The following DNM3 variants were observed in gnomAD, a reference collection of about 807,000 sequenced individuals.
The protein encoded by DNM3 is dynamin-3.
A neutral mutation model predicts 101.6 loss-of-function variants in DNM3; 47 were observed. The ratio of observed to expected loss-of-function variants is 0.46; its 90% confidence interval spans 0.37 to 0.59. The LOEUF (loss-of-function observed/expected upper bound fraction) is 0.59. Among genes scored for constraint, DNM3 ranks in the 20% least tolerant of loss-of-function variants. The probability of loss-of-function intolerance (pLI) is 0.00; values close to 1 mark genes in which losing one functional copy is unlikely to be tolerated. For synonymous variants in DNM3, 385 were observed against 387.9 expected (o/e 0.99, Z 0.09); for missense variants, 849 against 1,085.7 (o/e 0.78, Z 3.06).
chr1:172,047,750 T>C (rs527375118), intron 9 of DNM3, among the ~76,000 whole-genome samples: 18 of 152,212 alleles, frequency 1.2e-4, no homozygotes, highest in African/African-American at 4.1e-4. Flanking sequence ...TTGAAAAGAT[T>C]TTCCAAAAGA....
chr1:172,319,496 A>G (rs1177804064), intron 16 of DNM3, among the ~76,000 whole-genome samples: 5 of 152,252 alleles, frequency 3.3e-5, no homozygotes, highest in Admixed American at 3.3e-4. Context: ...ACAAAGGGCT[A>G]ATATCCAGAA....
intron 10 of DNM3, among the ~76,000 whole-genome samples, chr1:172,061,013 C>T (rs766283723): frequency 8.6e-6 from 1 of 116,260 alleles, no homozygotes; most frequent in Non-Finnish European, 1.7e-5. Flanking sequence ...AAAAAACAAA[C>T]AACCCCATCA....
intron 10 of DNM3, among the ~76,000 whole-genome samples, chr1:172,064,933 G>T (rs1321723340): frequency 5.3e-5 from 8 of 152,112 alleles, no homozygotes; most frequent in Non-Finnish European, 7.4e-5. Flanking sequence ...ACTTCCAGTT[G>T]TCTCAATTGT....
chr1:171,966,676 C>G (rs2043610470), intron 2 of DNM3, among the ~76,000 whole-genome samples: 1 of 152,106 alleles, frequency 6.6e-6, no homozygotes, highest in Admixed American at 6.6e-5. Context: ...GAAAAGCTAT[C>G]CATATTTACA....
At chr1:171,951,976 A>G (rs756683020) in intron 2 of DNM3, among the ~76,000 whole-genome samples, 1 of 152,332 alleles carries the variant, frequency 6.6e-6, no homozygotes. Flanking sequence ...GTTACAGGTC[A>G]TAGGTAGATT....
intron 14 of DNM3, among the ~76,000 whole-genome samples, chr1:172,242,843 A>C (rs1413312544): frequency 6.6e-6 from 1 of 152,134 alleles, no homozygotes; most frequent in Non-Finnish European, 1.5e-5. Flanking sequence ...CAAGGACAAG[A>C]AGCCAAATGA....
chr1:172,277,447 G>A lies in DNM3; in HGVS notation c.1769+23765G>A, dbSNP rs183373751. ...GAAAATGGTCCAAACTGTAGTCATA[G>A]ATTCTTGGAGTCTGATCAAAGGCAG... On this transcript the variant is annotated intron_variant, in intron 15 of 20. Coordinates refer to ENST00000627582, the MANE Select transcript of DNM3 (RefSeq NM_015569.5). 3.7e-3 allele frequency among the ~76,000 whole-genome samples: 559 copies of A among 152,124 alleles called. 5 individuals are homozygous for A. The highest frequency in any genetic ancestry group is 0.023 in the South Asian group (110 of 4,812).
At chr1:172,178,152 C>G (rs928962911) in intron 14 of DNM3, among the ~76,000 whole-genome samples, 1 of 151,784 alleles carries the variant, frequency 6.6e-6, no homozygotes, top group Non-Finnish European at 1.5e-5. Flanking sequence ...CATATCTAAA[C>G]AGAGGAAAAG....
At chr1:172,391,406 C>T (rs2069521977) in intron 20 of DNM3, among the ~76,000 whole-genome samples, 1 of 152,062 alleles carries the variant, frequency 6.6e-6, no homozygotes, top group Admixed American at 6.5e-5. Flanking sequence ...CTGTTAAATC[C>T]AGCTTTAGAT....
intron 2 of DNM3, among the ~76,000 whole-genome samples, chr1:171,965,327 G>C (rs1047584498): frequency 6.6e-6 from 1 of 151,618 alleles, no homozygotes; most frequent in African/African-American, 2.4e-5. Flanking sequence ...TGGATTGCTT[G>C]AGGCCAAGAG....
chr1:172,263,421 A>G (rs1041836741), intron 15 of DNM3, among the ~76,000 whole-genome samples: 3 of 152,204 alleles, frequency 2.0e-5, no homozygotes, highest in African/African-American at 7.2e-5. Context: ...GAAATGTATT[A>G]TCTATCCTGA....
At chr1:172,389,409 C>A (rs1024557335) in intron 20 of DNM3, among the ~76,000 whole-genome samples, 1 of 151,456 alleles carries the variant, frequency 6.6e-6, no homozygotes, top group Non-Finnish European at 1.5e-5. Context: ...CATTGTACAT[C>A]TGAATAATAC....
At chr1:172,231,228 C>T (rs368250478) in intron 14 of DNM3, among the ~76,000 whole-genome samples, 1 of 150,374 alleles carries the variant, frequency 6.7e-6, no homozygotes, top group Non-Finnish European at 1.5e-5. Flanking sequence ...GGCAGACTGA[C>T]ACCTCACACG....
intron 2 of DNM3, among the ~76,000 whole-genome samples, chr1:171,940,510 G>A (rs931543439): frequency 1.3e-5 from 2 of 152,062 alleles, no homozygotes; most frequent in African/African-American, 4.8e-5. Context: ...ACACTGGATG[G>A]GATTGTTTCC....
At chr1:172,415,122 G>A (rs758444699), downstream of DNM3, among the ~76,000 whole-genome samples, 30 of 152,158 alleles carry the variant, frequency 2.0e-4, no homozygotes, top group Non-Finnish European at 2.9e-4. Flanking sequence ...AGAGCAACAA[G>A]AGCTCTCAAC....
chr1:172,243,253 C>T (rs6664359), intron 14 of DNM3, among the ~76,000 whole-genome samples: 67 of 152,154 alleles, frequency 4.4e-4, no homozygotes, highest in African/African-American at 1.5e-3. Flanking sequence ...CCTTAATGTT[C>T]TCACTTTCAA....
At chr1:171,974,232 A>G (rs1222310809) in intron 2 of DNM3, among the ~76,000 whole-genome samples, 2 of 152,212 alleles carry the variant, frequency 1.3e-5, no homozygotes, top group East Asian at 3.9e-4. Flanking sequence ...CAGATCACTG[A>G]GTAGTCACTA....
chr1:172,182,525 A>T (rs914071966), intron 14 of DNM3, among the ~76,000 whole-genome samples: 1 of 152,158 alleles, frequency 6.6e-6, no homozygotes, highest in African/African-American at 2.4e-5. Context: ...ACTCATTTCA[A>T]TAAAATGTTC....
At chr1:172,230,430 A>T (rs1291721007) in intron 14 of DNM3, among the ~76,000 whole-genome samples, 1 of 152,120 alleles carries the variant, frequency 6.6e-6, no homozygotes, top group Non-Finnish European at 1.5e-5. Flanking sequence ...AAGTTTGCAT[A>T]TTTTTGTAGG....
Sources: gnomAD v4.1 joint callset for allele counts (sites outside exome capture counted in the v4.1 genomes callset) on GRCh38, gnomAD v4.1.1 for gene constraint, MANE v1.5 for transcripts, NCBI Gene and HGNC (gene_info 2026-07-23, HGNC 2026-07-21) for gene names.